Variants in AHI1 observed in about 807,000 individuals in gnomAD.
AHI1 encodes Abelson helper integration site 1.
A neutral mutation model predicts 149.3 loss-of-function variants in AHI1; 123 were observed. The ratio of observed to expected loss-of-function variants is 0.82; its 90% CI spans 0.71 to 0.96. The LOEUF (loss-of-function observed/expected upper bound fraction) is 0.96. AHI1 is among the 40% of genes least tolerant of loss of function. The pLI is 0.00. For missense variants in AHI1, 1,439 were observed against 1,422.7 expected, an observed-to-expected ratio of 1.01 and a Z score of -0.18; for synonymous variants, 475 against 459.8, an observed-to-expected ratio of 1.03 and a Z score of -0.42.
At chr6:135,489,510 A>T (rs1008517891) in intron 5 of AHI1, among the ~76,000 whole-genome samples, 10 of 151,842 alleles carry the variant, frequency 6.6e-5, no homozygotes, top group African/African-American at 2.4e-4. Context: ...AACATAAACC[A>T]CTCCATCTGA....
intron 25 of AHI1, among the ~76,000 whole-genome samples, chr6:135,319,085 A>T (rs1164712398): frequency 6.6e-6 from 1 of 152,244 alleles, no homozygotes; most frequent in Admixed American, 6.5e-5. Context: ...AATAATTACA[A>T]AGACAAACTC....
At chr6:135,422,741 C>T (rs989451067) in intron 20 of AHI1, among the ~76,000 whole-genome samples, 4 of 151,584 alleles carry the variant, frequency 2.6e-5, no homozygotes, top group African/African-American at 7.3e-5. Context: ...CCTCCTGCCT[C>T]AGCCTCCCAA....
intron 21 of AHI1, among the ~76,000 whole-genome samples, chr6:135,408,117 T>C (rs1328791493): frequency 1.3e-5 from 2 of 152,178 alleles, no homozygotes; most frequent in Admixed American, 6.5e-5. Context: ...TATCTGAGGA[T>C]GACAGGTATA....
chr6:135,482,575 T>G (rs1248052518), intron 5 of AHI1, among the ~76,000 whole-genome samples: 1 of 152,096 alleles, frequency 6.6e-6, no homozygotes, highest in African/African-American at 2.4e-5. Context: ...ACAGTCAATT[T>G]AAAATTTTGA....
At chr6:135,324,252 C>T (rs1054178900) in intron 24 of AHI1, among the ~76,000 whole-genome samples, 4 of 152,110 alleles carry the variant, frequency 2.6e-5, no homozygotes, top group African/African-American at 4.8e-5. Context: ...ACTTGAGCCC[C>T]AGGGTTTGGA....
chr6:135,353,088 C>T (rs1792411823), intron 24 of AHI1, among the ~76,000 whole-genome samples: 1 of 151,804 alleles, frequency 6.6e-6, no homozygotes, highest in South Asian at 2.1e-4. Context: ...GGAAAAAAAT[C>T]AACATAAGCT....
chr6:135,360,098 T>C (rs912213325), intron 23 of AHI1, among the ~76,000 whole-genome samples: 1 of 152,106 alleles, frequency 6.6e-6, no homozygotes, highest in African/African-American at 2.4e-5. Flanking sequence ...GAATAAACTT[T>C]AGAAAAAAAT....
At chr6:135,332,507 T>C (rs1052744567) in intron 24 of AHI1, among the ~76,000 whole-genome samples, 4 of 152,214 alleles carry the variant, frequency 2.6e-5, no homozygotes, top group Non-Finnish European at 4.4e-5. Flanking sequence ...TTACAAGCCA[T>C]TGGACTAAGC....
intron 5 of AHI1, among the ~76,000 whole-genome samples, chr6:135,482,894 C>CTTTTGTTTTTTTTTTTTTTTTTTT (rs1793903247): frequency 5.4e-5 from 3 of 55,734 alleles, no homozygotes; most frequent in Non-Finnish European, 5.7e-5. Context: ...CCATTTAAGG[C>CTTTTGTTTTTTTTTTTTTTTTTTT]TTTTTTTTTT....
chr6:135,381,028 T>C (rs1315500243), intron 23 of AHI1, among the ~76,000 whole-genome samples: 2 of 152,198 alleles, frequency 1.3e-5, no homozygotes, highest in Non-Finnish European at 1.5e-5. Flanking sequence ...TCAGTGAACA[T>C]TAAGCACATT....
chr6:135,293,388 A>C (rs1463855403), intron 27 of AHI1, among the ~76,000 whole-genome samples: 1 of 129,026 alleles, frequency 7.8e-6, no homozygotes, highest in Non-Finnish European at 1.6e-5. Flanking sequence ...CAGTGTTAAC[A>C]GGGCAAAAAA....
At chr6:135,355,199 G>A (rs538262186) in intron 24 of AHI1, among the ~76,000 whole-genome samples, 1 of 151,932 alleles carries the variant, frequency 6.6e-6, no homozygotes, top group Non-Finnish European at 1.5e-5. Context: ...ACAAAATGAA[G>A]AGCTCAGCAT....
At chr6:135,356,227 T>G (rs972274373) in intron 24 of AHI1, among the ~76,000 whole-genome samples, 1 of 152,208 alleles carries the variant, frequency 6.6e-6, no homozygotes, top group South Asian at 2.1e-4. Context: ...CTTCTTTTTT[T>G]GGGTCAGTAG....
chr6:135,456,693 C>T (rs1055365168), intron 9 of AHI1, among the ~76,000 whole-genome samples: 1 of 152,072 alleles, frequency 6.6e-6, no homozygotes, highest in African/African-American at 2.4e-5. Flanking sequence ...GTTTCCATTC[C>T]CCACTGGCTT....
At chr6:135,311,077 A>C (rs989364880) in intron 26 of AHI1, among the ~76,000 whole-genome samples, 1 of 152,006 alleles carries the variant, frequency 6.6e-6, no homozygotes, top group African/African-American at 2.4e-5. Context: ...TGAGGCGCGC[A>C]GATCACTTGA....
At chr6:135,419,886 G>A (rs961747246) in intron 20 of AHI1, among the ~76,000 whole-genome samples, 1 of 152,064 alleles carries the variant, frequency 6.6e-6, no homozygotes, top group Non-Finnish European at 1.5e-5. Context: ...CCTTGCCATT[G>A]CTCTACCAAC....
At chr6:135,354,786 A>G (rs368944378) in intron 24 of AHI1, among the ~76,000 whole-genome samples, 7 of 152,290 alleles carry the variant, frequency 4.6e-5, no homozygotes, top group African/African-American at 1.4e-4. Flanking sequence ...TACTTTTTCT[A>G]TTATCAATAG....
intron 16 of AHI1, among the ~76,000 whole-genome samples, chr6:135,432,812 A>G (rs544404587): frequency 1.3e-5 from 2 of 152,342 alleles, no homozygotes; most frequent in South Asian, 4.1e-4. Flanking sequence ...TGTTATAGCA[A>G]AGATTAATTG....
At chr6:135,285,758 T>A in intron 28 of AHI1, 111 bp from the exon 29 acceptor site, 1 of 890,400 alleles carries the variant, frequency 1.1e-6, no homozygotes, top group Non-Finnish European at 1.8e-6. Context: ...GGACATTGTG[T>A]AAAACACAAA....
Sources: gnomAD v4.1 joint callset for allele counts (sites outside exome capture counted in the v4.1 genomes callset) on GRCh38, gnomAD v4.1.1 for gene constraint, MANE v1.5 for transcripts, NCBI Gene and HGNC (gene_info 2026-07-23, HGNC 2026-07-21) for gene names.